The following PRELID2 variants were observed in gnomAD, a reference collection of about 807,000 sequenced individuals.
The protein encoded by PRELID2 is PRELI domain-containing protein 2.
Under a neutral mutation model 28.4 loss-of-function variants are expected in PRELID2, and 25 were observed. The ratio of observed to expected loss-of-function variants is 0.88; its 90% CI spans 0.64 to 1.23. PRELID2 has a LOEUF of 1.23. Among genes scored for constraint, PRELID2 ranks in the 50% most tolerant of loss-of-function variants. The pLI, the probability that PRELID2 is intolerant of heterozygous loss-of-function variation, is 0.00. For synonymous variants in PRELID2, 76 were observed against 71.6 expected (o/e 1.06, Z -0.31); for missense variants, 201 against 214.4 (o/e 0.94, Z 0.39).
chr5:145,758,906 T>C lies in PRELID2; in HGVS notation c.*1630A>G, dbSNP rs1757343525. 1 of 151,766 alleles carries C rather than the reference T, an allele frequency of 6.6e-6. No individual in the cohort carries two copies. Among genetic ancestry groups the C allele is most frequent in the Admixed American group, 6.6e-5 (1 of 15,244 alleles). The allele number at this position is 151,766 out of a possible 1,614,324, so 9.4% of individuals were successfully genotyped here. The stretch of plus-strand genomic sequence containing the variant: ...GCAGGCTTGTATGAAAAAATACAAT[T>C]GCTTTGAAATTCATCAATGGATTAA... On this transcript the variant is annotated 3_prime_UTR_variant, in exon 7 of 7. Coordinates refer to ENST00000683046, the MANE Select transcript of PRELID2 (RefSeq NM_205846.3).
chr5:145,501,070 T>C (rs1000411521), intron 1 of PRELID2, among the ~76,000 whole-genome samples: 1 of 152,152 alleles, frequency 6.6e-6, no homozygotes, highest in Non-Finnish European at 1.5e-5. Flanking sequence ...TAATTCCCCT[T>C]AATCTGGGCA....
chr5:145,285,577 T>C, the PRELID2 span, among the ~76,000 whole-genome samples: 1 of 152,170 alleles, frequency 6.6e-6, no homozygotes, highest in Admixed American at 6.6e-5. Flanking sequence ...AAACATGATG[T>C]AATTAGTAAA....
chr5:145,381,962 T>TA, the PRELID2 span, among the ~76,000 whole-genome samples: 2 of 151,778 alleles, frequency 1.3e-5, no homozygotes, highest in Non-Finnish European at 2.9e-5. Context: ...CTTAGTTTTT[T>TA]TTTTTTTAAT....
chr5:145,312,231 G>A, the PRELID2 span, among the ~76,000 whole-genome samples: 1 of 151,898 alleles, frequency 6.6e-6, no homozygotes, highest in Non-Finnish European at 1.5e-5. Flanking sequence ...GCATGTGCCT[G>A]TAGTTCTAAC....
intron 1 of PRELID2, among the ~76,000 whole-genome samples, chr5:145,528,690 TACACACAC>T (rs34302691): frequency 1.2e-4 from 15 of 129,764 alleles, no homozygotes; most frequent in East Asian, 9.7e-4. Context: ...CATTCTAAAC[TACACACAC>T]ACACACACAC....
the PRELID2 span, among the ~76,000 whole-genome samples, chr5:145,435,208 A>C: frequency 6.6e-6 from 1 of 152,172 alleles, no homozygotes; most frequent in South Asian, 2.1e-4. Context: ...GAGAGTGACA[A>C]ATGCAATAGA....
the PRELID2 span, among the ~76,000 whole-genome samples, chr5:145,387,609 A>C: frequency 2.0e-5 from 3 of 152,154 alleles, no homozygotes; most frequent in South Asian, 2.1e-4. Flanking sequence ...TTGACCATAC[A>C]TGGCTTCTAA....
intron 1 of PRELID2, among the ~76,000 whole-genome samples, chr5:145,834,182 G>A (rs1365950133): frequency 6.6e-6 from 1 of 152,186 alleles, no homozygotes; most frequent in African/African-American, 2.4e-5. Context: ...CTAAACATCA[G>A]TAGCAGTGAG....
chr5:145,496,611 G>T (rs766943008), intron 1 of PRELID2, among the ~76,000 whole-genome samples: 11 of 152,122 alleles, frequency 7.2e-5, no homozygotes, highest in Non-Finnish European at 1.5e-4. Flanking sequence ...CTCCACTTGT[G>T]ACCACCAATC....
At chr5:145,751,469 T>C (rs974242902), downstream of PRELID2, among the ~76,000 whole-genome samples, 2 of 152,212 alleles carry the variant, frequency 1.3e-5, no homozygotes, top group African/African-American at 4.8e-5. Context: ...CCATATGCAA[T>C]TGCCATTCTT....
intron 5 of PRELID2, chr5:145,795,351 A>T (rs1228699320): frequency 6.6e-6 from 1 of 152,226 alleles, no homozygotes; most frequent in Non-Finnish European, 1.5e-5. Context: ...AGGCTGGACC[A>T]GTCTGAATAT....
At chr5:145,229,321 G>A in the PRELID2 span, 2,501 of 744,542 alleles carry the variant, frequency 3.4e-3, 58 homozygotes, top group African/African-American at 0.039. Context: ...AGCAACACGG[G>A]ATTCCCATCC....
chr5:145,774,189 G>A (rs1216233810), intron 5 of PRELID2, among the ~76,000 whole-genome samples: 1 of 152,162 alleles, frequency 6.6e-6, no homozygotes, highest in Non-Finnish European at 1.5e-5. Flanking sequence ...CAATAGTCCC[G>A]TGAGGTAAGA....
At chr5:145,577,961 C>T (rs1367744073) in intron 1 of PRELID2, among the ~76,000 whole-genome samples, 1 of 152,104 alleles carries the variant, frequency 6.6e-6, no homozygotes, top group Non-Finnish European at 1.5e-5. Context: ...ACAAATGGAA[C>T]TAATCAATGA....
intron 1 of PRELID2, among the ~76,000 whole-genome samples, chr5:145,662,598 C>A (rs901867562): frequency 3.9e-5 from 6 of 152,058 alleles, no homozygotes; most frequent in Non-Finnish European, 8.8e-5. Context: ...AGGGCTTTGT[C>A]CTCATTAATG....
chr5:145,446,863 A>G, the PRELID2 span, among the ~76,000 whole-genome samples: 2 of 151,990 alleles, frequency 1.3e-5, no homozygotes, highest in Non-Finnish European at 2.9e-5. Flanking sequence ...CCTGGCCAAC[A>G]TAGTGAAACC....
At chr5:145,514,201 A>G (rs1352428444) in intron 1 of PRELID2, among the ~76,000 whole-genome samples, 1 of 152,104 alleles carries the variant, frequency 6.6e-6, no homozygotes, top group African/African-American at 2.4e-5. Flanking sequence ...ACAGACTGGC[A>G]AATTGGATAG....
chr5:145,806,104 C>T (rs984428352), intron 4 of PRELID2, among the ~76,000 whole-genome samples: 1 of 152,144 alleles, frequency 6.6e-6, no homozygotes, highest in Non-Finnish European at 1.5e-5. Flanking sequence ...ACCTAGGCTA[C>T]ACTAAATTTA....
chr5:145,765,810 T>A (rs937905292), intron 5 of PRELID2, among the ~76,000 whole-genome samples: 1 of 152,184 alleles, frequency 6.6e-6, no homozygotes. Flanking sequence ...TTAATACACA[T>A]AAAACCTCCA....
Sources: allele counts gnomAD v4.1 joint callset (sites outside exome capture counted in the v4.1 genomes callset), GRCh38; gene constraint gnomAD v4.1.1; transcripts MANE v1.5; gene names NCBI Gene and HGNC (gene_info 2026-07-23, HGNC 2026-07-21).